The following NXPH1 variants were observed in gnomAD, a reference collection of about 807,000 sequenced individuals.
NXPH1 encodes neurexophilin-1.
Under a neutral mutation model 23.7 loss-of-function variants are expected in NXPH1, and 5 were observed. That is an observed-to-expected ratio of 0.21 (90% CI 0.11 to 0.44). The LOEUF (loss-of-function observed/expected upper bound fraction) is 0.44, where lower values mean the gene tolerates loss of function less well. NXPH1 is among the 20% of genes least tolerant of loss of function. NXPH1 has a pLI of 0.99. For missense variants in NXPH1, 324 were observed against 321.6 expected, an observed-to-expected ratio of 1.01 and a Z score of -0.06; for synonymous variants, 144 against 122.2, an observed-to-expected ratio of 1.18 and a Z score of -1.18.
At chr7:8,650,147 T>C (rs1346628272) in intron 2 of NXPH1, among the ~76,000 whole-genome samples, 1 of 152,222 alleles carries the variant, frequency 6.6e-6, no homozygotes, top group Non-Finnish European at 1.5e-5. Context: ...GTCTGTGTGA[T>C]ATAGGAAAAT....
At chr7:8,576,392 G>A (rs1277299490) in intron 2 of NXPH1, among the ~76,000 whole-genome samples, 1 of 152,172 alleles carries the variant, frequency 6.6e-6, no homozygotes, top group Non-Finnish European at 1.5e-5. Context: ...GCTGCGATAA[G>A]TGGTATTAAG....
At position 8,751,505 on chromosome 7, in the gene NXPH1, T is replaced by C. The variant is rs1780564697; in HGVS notation, c.552T>C (p.Ile184=). Residue 184 remains isoleucine, a synonymous_variant, in exon 3 of 3, where the codon ATT becomes ATC. Transcript: ENST00000405863. The surrounding 1 kb of genome is among the most constrained non-coding windows in gnomAD (Gnocchi z 4.5). ...TTGACTTGGCACAACAAACCGTGAT[T>C]GATGCCAAAGATTCCAAGTCTTTTA... ...VEFDLAQQTV[I]DAKDSKSFNC... is the part of the protein sequence containing the mutation. 1 of 1,613,640 alleles carries C rather than the reference T, an allele frequency of 6.2e-7. No homozygotes were observed.
At chr7:8,610,844 G>T (rs1415161148) in intron 2 of NXPH1, among the ~76,000 whole-genome samples, 1 of 151,770 alleles carries the variant, frequency 6.6e-6, no homozygotes, top group Admixed American at 6.6e-5. Context: ...TGGAACAGGA[G>T]GGCAGACTGC....
chr7:8,473,250 A>G (rs1816898123), intron 2 of NXPH1, among the ~76,000 whole-genome samples: 1 of 152,148 alleles, frequency 6.6e-6, no homozygotes, highest in Admixed American at 6.5e-5. Context: ...GCTGTTCCCA[A>G]CCAAGGCTTG....
chr7:8,437,810 G>T (rs1313271863), intron 2 of NXPH1, among the ~76,000 whole-genome samples: 2 of 152,202 alleles, frequency 1.3e-5, no homozygotes, highest in East Asian at 1.9e-4. Context: ...TTACCGTTTA[G>T]TTACAGACTT....
chr7:8,661,158 C>T (rs1431068722), intron 2 of NXPH1, among the ~76,000 whole-genome samples: 1 of 152,036 alleles, frequency 6.6e-6, no homozygotes, highest in Non-Finnish European at 1.5e-5. Context: ...CATTTTCTAA[C>T]CTCAGAATAT....
chr7:8,496,900 G>C lies in NXPH1; in HGVS notation c.54+61133G>C, dbSNP rs146230424. 5.9e-5 allele frequency among the ~76,000 whole-genome samples: 9 copies of C among 152,164 alleles called. No homozygotes were observed. The East Asian group carries it at 1.8e-3, about 30-fold the overall frequency. The stretch of plus-strand genomic sequence containing the variant: ...TTTAAAAATTATACTTTAAGTTCTA[G>C]GGTACATGTTCACAATGTGCAGGTT... On this transcript the variant is annotated intron_variant, in intron 2 of 2. Transcript: ENST00000405863.
intron 2 of NXPH1, among the ~76,000 whole-genome samples, chr7:8,700,822 A>C (rs924157335): frequency 6.6e-5 from 10 of 152,040 alleles, no homozygotes; most frequent in Admixed American, 1.3e-4. Flanking sequence ...CTATTACAGA[A>C]ATTGGCAAAT....
chr7:8,751,250 G>T lies in NXPH1; in HGVS notation c.297G>T (p.Glu99Asp), dbSNP rs1780560068. 6.2e-7 allele frequency: 1 copy of T among 1,613,780 alleles called. No individual in the cohort carries two copies. The highest frequency in any genetic ancestry group is 8.5e-7 in the Non-Finnish European group (1 of 1,179,842). ...TGAGGAACTCCACAGACCTTCAAGA[G>T]CCTCGGCCCAGGGCCAAGAGAAGGC... ...DWLRNSTDLQ[E>D]PRPRAKRRPI... is the part of the protein sequence containing the mutation. The change falls in exon 3 of 3, where the codon GAG (glutamate) becomes GAT (aspartate). Residue 99 changes from glutamate (E) to aspartate (D), a missense_variant. By Grantham distance (45) the Glu-to-Asp change is conservative (BLOSUM62 2). Transcript: ENST00000405863. This position sits in a 1 kb window ranked among gnomAD's most constrained non-coding sequence, Gnocchi z 4.5.
chr7:8,540,812 C>T (rs964662476), intron 2 of NXPH1, among the ~76,000 whole-genome samples: 2 of 151,622 alleles, frequency 1.3e-5, no homozygotes, highest in Non-Finnish European at 3.0e-5. Flanking sequence ...GACTTGAAAA[C>T]CTCATGATTC....
At chr7:8,463,561 C>T (rs1048777994) in intron 2 of NXPH1, among the ~76,000 whole-genome samples, 2 of 151,792 alleles carry the variant, frequency 1.3e-5, no homozygotes, top group African/African-American at 2.4e-5. Flanking sequence ...GTTATGTTTC[C>T]ACCAAGAATG....
At chr7:8,748,972 G>A (rs559653994) in intron 2 of NXPH1, among the ~76,000 whole-genome samples, 10 of 152,238 alleles carry the variant, frequency 6.6e-5, no homozygotes, top group African/African-American at 1.4e-4. Flanking sequence ...TTGAAAAGAA[G>A]GTTTACAAGA....
chr7:8,746,279 TC>T (rs150292912), intron 2 of NXPH1, among the ~76,000 whole-genome samples: 173 of 152,238 alleles, frequency 1.1e-3, no homozygotes, highest in African/African-American at 3.9e-3. Flanking sequence ...CCTACTCCCT[TC>T]CTAAGTAAAA....
At chr7:8,692,831 T>C (rs1043651417) in intron 2 of NXPH1, among the ~76,000 whole-genome samples, 3 of 152,130 alleles carry the variant, frequency 2.0e-5, no homozygotes, top group Non-Finnish European at 4.4e-5. Flanking sequence ...TGTGTGTAAG[T>C]AGGTTGTTAG....
At chr7:8,600,957 A>C (rs147616159) in intron 2 of NXPH1, among the ~76,000 whole-genome samples, 1 of 151,958 alleles carries the variant, frequency 6.6e-6, no homozygotes, top group Non-Finnish European at 1.5e-5. Context: ...TCTACATAAT[A>C]TAGCATAAAA....
intron 2 of NXPH1, among the ~76,000 whole-genome samples, chr7:8,511,487 T>G (rs1817611410): frequency 6.6e-6 from 1 of 152,112 alleles, no homozygotes; most frequent in African/African-American, 2.4e-5. Context: ...GTGAGGCTGG[T>G]GTGTACAGTA....
intron 2 of NXPH1, among the ~76,000 whole-genome samples, chr7:8,653,885 A>G (rs994307277): frequency 2.0e-5 from 3 of 152,146 alleles, no homozygotes; most frequent in African/African-American, 4.8e-5. Context: ...TCCTCTACAT[A>G]CTTTTGCATG....
chr7:8,482,621 C>T (rs1327890724), intron 2 of NXPH1, among the ~76,000 whole-genome samples: 1 of 152,160 alleles, frequency 6.6e-6, no homozygotes, highest in Non-Finnish European at 1.5e-5. Flanking sequence ...GACAGGTATG[C>T]CTCCATTTCT....
chr7:8,646,657 A>C (rs1271403386), intron 2 of NXPH1, among the ~76,000 whole-genome samples: 5 of 151,994 alleles, frequency 3.3e-5, no homozygotes, highest in Non-Finnish European at 5.9e-5. Flanking sequence ...TTGAATGCCA[A>C]TTTTATAATA....
Sources: gnomAD v4.1 joint callset for allele counts (sites outside exome capture counted in the v4.1 genomes callset) on GRCh38, gnomAD v4.1.1 for gene constraint, Gnocchi (gnomAD v3.1) non-coding constraint, MANE v1.5 for transcripts, NCBI Gene and HGNC (gene_info 2026-07-23, HGNC 2026-07-21) for gene names.